CPNE8: variants seen among roughly 807,000 people sequenced by gnomAD.
The protein encoded by CPNE8 is copine-8.
A neutral mutation model predicts 81.5 loss-of-function variants in CPNE8; 45 were observed. The ratio of observed to expected loss-of-function variants is 0.55; its 90% confidence interval spans 0.44 to 0.71. The LOEUF (loss-of-function observed/expected upper bound fraction) is 0.71. Among genes scored for constraint, CPNE8 ranks in the 30% least tolerant of loss-of-function variants. The pLI, the probability that CPNE8 is intolerant of heterozygous loss-of-function variation, is 0.00. For synonymous variants in CPNE8, 252 were observed against 226.3 expected, an observed-to-expected ratio of 1.11 and a Z score of -1.02; for missense variants, 594 against 672.1, an observed-to-expected ratio of 0.88 and a Z score of 1.28.
At position 38,701,145 on chromosome 12, in the gene CPNE8, G is replaced by T. The variant is rs149678622; in HGVS notation, c.961+1730C>A. On this transcript the variant is annotated intron_variant, in intron 14 of 19. Coordinates refer to ENST00000331366, the MANE Select transcript of CPNE8 (RefSeq NM_153634.3). ...AATATTAACCTCACAAAATGAGCTGGGAAGTAACCTTCTTTCACATTTCAG... is the reference window on the plus strand; with the variant it reads ...AATATTAACCTCACAAAATGAGCTGTGAAGTAACCTTCTTTCACATTTCAG... Among the ~76,000 whole-genome samples, 63 of 152,196 alleles carry T rather than the reference G, an allele frequency of 4.1e-4. No homozygotes were observed. In the East Asian group the frequency reaches 0.011, roughly 26 times the overall value.
chr12:38,709,482 G>C (rs930035237), intron 13 of CPNE8, among the ~76,000 whole-genome samples: 1 of 152,162 alleles, frequency 6.6e-6, no homozygotes, highest in South Asian at 2.1e-4. Context: ...TTTCACTCAT[G>C]ATTCACGTGA....
chr12:38,858,093 C>T (rs898082653), intron 3 of CPNE8, among the ~76,000 whole-genome samples: 2 of 152,186 alleles, frequency 1.3e-5, no homozygotes, highest in African/African-American at 4.8e-5. Context: ...AACATAGGAG[C>T]CATCTTTATA....
At chr12:38,885,408 C>G (rs538312859) in intron 1 of CPNE8, among the ~76,000 whole-genome samples, 1 of 151,906 alleles carries the variant, frequency 6.6e-6, no homozygotes, top group Non-Finnish European at 1.5e-5. Context: ...CAATGACATG[C>G]AAATAAAATA....
At chr12:38,719,880 A>G (rs192948937) in intron 13 of CPNE8, among the ~76,000 whole-genome samples, 2 of 152,322 alleles carry the variant, frequency 1.3e-5, no homozygotes, top group East Asian at 1.9e-4. Flanking sequence ...ATATTTTTTC[A>G]TATCCTTTAC....
At chr12:38,657,690 G>GA (rs150905246) in intron 19 of CPNE8, among the ~76,000 whole-genome samples, 3,699 of 152,260 alleles carry the variant, frequency 0.024, 149 homozygotes, top group African/African-American at 0.082. Flanking sequence ...GGAAGGATCA[G>GA]ACAGCAATAT....
intron 6 of CPNE8, among the ~76,000 whole-genome samples, chr12:38,815,615 T>C (rs964801620): frequency 1.3e-5 from 2 of 152,202 alleles, no homozygotes; most frequent in African/African-American, 4.8e-5. Context: ...AAACACACTA[T>C]GCTCACTGTT....
chr12:38,687,740 A>G (rs185934673), intron 15 of CPNE8, among the ~76,000 whole-genome samples: 72 of 152,236 alleles, frequency 4.7e-4, no homozygotes, highest in African/African-American at 1.2e-3. Context: ...AATGTTACCA[A>G]CTACTTCAAT....
chr12:38,787,972 G>GAAAA (rs35455026), intron 6 of CPNE8, among the ~76,000 whole-genome samples: 1 of 93,806 alleles, frequency 1.1e-5, no homozygotes, highest in Non-Finnish European at 1.9e-5. Flanking sequence ...AAGTCTCCCA[G>GAAAA]AAAAAAAAAA....
At chr12:38,696,371 CT>C in intron 14 of CPNE8, among the ~76,000 whole-genome samples, 1 of 136,266 alleles carries the variant, frequency 7.3e-6, no homozygotes, top group East Asian at 2.3e-4. Flanking sequence ...GTGTTCTATA[CT>C]AAAAAAAAAA....
chr12:38,860,078 A>C (rs1402488442), intron 3 of CPNE8, among the ~76,000 whole-genome samples: 1 of 152,146 alleles, frequency 6.6e-6, no homozygotes, highest in African/African-American at 2.4e-5. Context: ...CAAATTAAAA[A>C]GCTTTTCCAT....
intron 1 of CPNE8, among the ~76,000 whole-genome samples, chr12:38,890,953 G>T (rs1233469353): frequency 1.3e-5 from 2 of 150,882 alleles, no homozygotes; most frequent in East Asian, 3.9e-4. Flanking sequence ...GAGAGAAAGA[G>T]TCTCACTCTG....
intron 13 of CPNE8, among the ~76,000 whole-genome samples, chr12:38,710,651 G>T (rs851934): frequency 0.49 from 74,860 of 151,882 alleles, 19,712 homozygotes; most frequent in East Asian, 0.8. Flanking sequence ...TCTCCTCTGT[G>T]GGGTCAGAAG....
chr12:38,679,469 A>G (rs1332313627), intron 16 of CPNE8: 2 of 440,916 alleles, frequency 4.5e-6, no homozygotes, highest in East Asian at 3.1e-4. Flanking sequence ...GCTTGTATTA[A>G]TATTTTATAT....
At chr12:38,754,421 AT>A (rs771243490) in intron 10 of CPNE8, among the ~76,000 whole-genome samples, 62 of 152,260 alleles carry the variant, frequency 4.1e-4, no homozygotes, top group South Asian at 1.2e-3. Flanking sequence ...GCAGGTGGAT[AT>A]ATATTAAAAA....
rs1413246765 is a variant in CPNE8 at position 38,670,612 on chromosome 12, A to G, written c.1506+117T>C. ...TAAAATATATTTAGTTTTTGTTGAG[A>G]CTAACAAATAGAAAAGCATCATTAA... On this transcript the variant is annotated intron_variant, in intron 19 of 19. Transcript: ENST00000331366. 18 of 635,558 alleles carry G rather than the reference A, an allele frequency of 2.8e-5. No homozygotes were observed. The Middle Eastern group carries it at 1.2e-3, about 41-fold the overall frequency. The allele number at this position is 635,558 out of a possible 1,614,324, so 39.4% of individuals were successfully genotyped here. A position where few individuals can be genotyped will look rare whatever the true frequency, so the allele number is the denominator to read the frequency against.
intron 10 of CPNE8, among the ~76,000 whole-genome samples, chr12:38,755,073 G>A (rs1266068342): frequency 6.6e-6 from 1 of 152,120 alleles, no homozygotes; most frequent in Non-Finnish European, 1.5e-5. Flanking sequence ...TCATGATAAT[G>A]CATAATCCCA....
rs138446614 is a variant in CPNE8 at position 38,659,942 on chromosome 12, C to T, written c.1507-5872G>A. ...GGACCTCTTCAAGGAGAACTACAAA[C>T]CACTGCTCAATGAAATAAAAGAGGA... On this transcript the variant is annotated intron_variant, in intron 19 of 19. Transcript: ENST00000331366. 3.0e-3 allele frequency among the ~76,000 whole-genome samples: 464 copies of T among 152,228 alleles called. 3 individuals carry two copies. The highest frequency in any genetic ancestry group is 0.01 in the African/African-American group (436 of 41,532).
At chr12:38,676,130 T>A (rs1356508997) in intron 17 of CPNE8, 11 of 381,744 alleles carry the variant, frequency 2.9e-5, no homozygotes, top group South Asian at 1.1e-4. Flanking sequence ...AAAAAAAAAA[T>A]TAAAAAAGAA....
At chr12:38,836,741 G>T (rs1019386911) in intron 5 of CPNE8, among the ~76,000 whole-genome samples, 3 of 152,124 alleles carry the variant, frequency 2.0e-5, no homozygotes, top group Non-Finnish European at 2.9e-5. Context: ...TATCCTCAGG[G>T]AATAAACCTA....
Sources: allele counts gnomAD v4.1 joint callset (sites outside exome capture counted in the v4.1 genomes callset), GRCh38; gene constraint gnomAD v4.1.1; transcripts MANE v1.5; gene names NCBI Gene and HGNC (gene_info 2026-07-23, HGNC 2026-07-21).